RAPGEF4: variants seen among roughly 807,000 people sequenced by gnomAD.
RAPGEF4 encodes the protein Rap guanine nucleotide exchange factor 4, also known as RAP guanine-nucleotide-exchange factor (GEF) 4.
In RAPGEF4, 66 loss-of-function variants were observed where a neutral mutation model predicts 147.9. That is an observed-to-expected ratio of 0.45 (90% confidence interval 0.37 to 0.55). The LOEUF is 0.55. Ranked by LOEUF, RAPGEF4 falls within the 20% of genes least tolerant of loss-of-function variation. The pLI is 0.00. For missense variants in RAPGEF4, 1,071 were observed against 1,257.3 expected, an observed-to-expected ratio of 0.85 and a Z score of 2.24; for synonymous variants, 419 against 442.7, an observed-to-expected ratio of 0.95 and a Z score of 0.67.
chr2:173,000,709 C>T (rs958190746), intron 16 of RAPGEF4, among the ~76,000 whole-genome samples: 8 of 151,500 alleles, frequency 5.3e-5, no homozygotes, highest in African/African-American at 1.7e-4. Context: ...AGTTGCTGCT[C>T]ACAGCCTTAA....
chr2:172,771,156 A>G (rs1275958160), intron 1 of RAPGEF4, among the ~76,000 whole-genome samples: 2 of 152,120 alleles, frequency 1.3e-5, no homozygotes, highest in African/African-American at 4.8e-5. Flanking sequence ...TTTATTGCCC[A>G]CAGTTCTGGA....
intron 1 of RAPGEF4, among the ~76,000 whole-genome samples, chr2:172,750,546 A>G (rs916199073): frequency 6.6e-6 from 1 of 152,176 alleles, no homozygotes; most frequent in Admixed American, 6.5e-5. Flanking sequence ...TATGGGAGCT[A>G]CAATTCAAGA....
intron 17 of RAPGEF4, among the ~76,000 whole-genome samples, chr2:173,010,177 T>C (rs750527129): frequency 6.6e-6 from 1 of 152,392 alleles, no homozygotes. Flanking sequence ...TGTGATTCCA[T>C]GACTTACCTG....
intron 10 of RAPGEF4, among the ~76,000 whole-genome samples, chr2:172,969,084 C>G (rs1690182516): frequency 6.6e-6 from 1 of 152,356 alleles, no homozygotes; most frequent in African/African-American, 2.4e-5. Flanking sequence ...GGACCAAGGG[C>G]TGCCAAACAC....
intron 6 of RAPGEF4, among the ~76,000 whole-genome samples, chr2:172,923,061 C>T (rs371646665): frequency 1.3e-5 from 2 of 152,202 alleles, no homozygotes; most frequent in South Asian, 4.1e-4. Flanking sequence ...ACAGGATTGT[C>T]ACCTTTGCCT....
chr2:172,983,675 A>G, intron 11 of RAPGEF4, 95 bp downstream of exon 11: 1 of 1,507,552 alleles, frequency 6.6e-7, no homozygotes, highest in Admixed American at 2.3e-5. Flanking sequence ...GGGGGAAAGA[A>G]TGTCTGATTT....
chr2:172,869,834 A>T (rs189740240), intron 4 of RAPGEF4, among the ~76,000 whole-genome samples: 1 of 152,306 alleles, frequency 6.6e-6, no homozygotes, highest in African/African-American at 2.4e-5. Context: ...ATCTGAGCTC[A>T]GACAATGTAA....
intron 4 of RAPGEF4, chr2:172,917,536 A>G: frequency 1.5e-6 from 1 of 658,248 alleles, no homozygotes; most frequent in Non-Finnish European, 2.8e-6. Context: ...TATCCCACAC[A>G]ATTCAGGCAG....
At chr2:172,839,267 G>T (rs1027186194) in intron 4 of RAPGEF4, among the ~76,000 whole-genome samples, 2 of 151,992 alleles carry the variant, frequency 1.3e-5, no homozygotes, top group Non-Finnish European at 2.9e-5. Context: ...TTCAGGGCGA[G>T]TCTGCAGTGC....
chr2:173,015,995 A>G (rs767575187), intron 18 of RAPGEF4, among the ~76,000 whole-genome samples: 1 of 152,222 alleles, frequency 6.6e-6, no homozygotes, highest in Non-Finnish European at 1.5e-5. Flanking sequence ...AATATCATAT[A>G]AACAGTTCAC....
chr2:172,983,513 T>G lies in RAPGEF4; in HGVS notation c.1022T>G (p.Val341Gly). Residue 341 changes from valine to glycine, a missense_variant, in exon 11 of 31, where the codon GTG becomes GGG. Physicochemically the swap from Val to Gly is moderately radical, Grantham distance 109. Transcript: ENST00000397081. ...CTTTGTAGACCTGGCCAGAGGACTGTGGATGACCTAGAGATTATCTATGAG... is the reference window on the plus strand; with the variant it reads ...CTTTGTAGACCTGGCCAGAGGACTGGGGATGACCTAGAGATTATCTATGAG... ...ILRKPPGQRTVDDLEIIYEEL... is the reference protein window; with the variant it reads ...ILRKPPGQRTGDDLEIIYEEL... 6.2e-7 allele frequency: 1 copy of G among 1,612,566 alleles called. No homozygotes were observed. The highest frequency in any genetic ancestry group is 8.5e-7 in the Non-Finnish European group (1 of 1,179,864).
intron 10 of RAPGEF4, 152 bp from the exon 11 acceptor site, chr2:172,983,344 G>T (rs1691882008): frequency 2.2e-6 from 3 of 1,382,552 alleles, no homozygotes; most frequent in Non-Finnish European, 2.8e-6. Context: ...AATCCCTTTA[G>T]GCATTATACT....
chr2:172,798,065 T>A (rs987998290), intron 3 of RAPGEF4, among the ~76,000 whole-genome samples: 2 of 152,200 alleles, frequency 1.3e-5, no homozygotes, highest in Non-Finnish European at 2.9e-5. Context: ...GCAGGGGATG[T>A]GTGGCTGTTG....
At chr2:173,017,253 A>G (rs1156239302) in intron 20 of RAPGEF4, 49 bp downstream of exon 20, 1 of 1,573,408 alleles carries the variant, frequency 6.4e-7, no homozygotes, top group Non-Finnish European at 8.7e-7. Flanking sequence ...TAGAATTACA[A>G]TTCCCCAGAA....
intron 5 of RAPGEF4, among the ~76,000 whole-genome samples, chr2:172,920,905 T>G (rs1254151725): frequency 6.6e-6 from 1 of 152,104 alleles, no homozygotes; most frequent in Non-Finnish European, 1.5e-5. Context: ...TGGGAAGTGA[T>G]AGCGAGCCTG....
chr2:172,883,537 A>G (rs1045803458), intron 4 of RAPGEF4, among the ~76,000 whole-genome samples: 9 of 152,232 alleles, frequency 5.9e-5, no homozygotes. Flanking sequence ...AAACATTCAT[A>G]TTGGAGTTTG....
rs373286061 is a variant in RAPGEF4, at chr2:173,052,884, C to G, written c.*1117C>G. On this transcript the variant is annotated 3_prime_UTR_variant, in exon 31 of 31. Transcript: ENST00000397081. Reference sequence around the variant, plus strand: ...TAGTATCTTCACTAAATATAATTGTCGACAAGAAATGGTTGTGTTCATCTC... The same window carrying G: ...TAGTATCTTCACTAAATATAATTGTGGACAAGAAATGGTTGTGTTCATCTC... The G allele has an allele frequency of 6.6e-6, 1 of 151,666 alleles. No individual in the cohort carries two copies. Among genetic ancestry groups the G allele is most frequent in the Non-Finnish European group, 1.5e-5 (1 of 67,968 alleles). 9.4% of individuals were successfully genotyped at this position (151,666 alleles called of 1,614,324 possible). A position where few individuals can be genotyped will look rare whatever the true frequency, so the allele number is the denominator to read the frequency against.
rs878961801 is a variant in RAPGEF4 at position 172,917,742 on chromosome 2, T to C, written c.445-60T>C. 61 of 1,439,572 alleles carry C rather than the reference T, an allele frequency of 4.2e-5. 1 individual carries two copies. The South Asian group carries it at 6.1e-4, about 14-fold the overall frequency. 89.2% of individuals were successfully genotyped at this position (1,439,572 alleles called of 1,614,324 possible). On this transcript the variant is annotated intron_variant, in intron 4 of 30. Transcript: ENST00000397081. ...GCATTTCTGCTTTTTAACATGTAAA[T>C]AAATGAATGCTCAAAGCAAGTAAAT...
chr2:172,968,348 G>T (rs1690086571), intron 10 of RAPGEF4, among the ~76,000 whole-genome samples: 1 of 152,158 alleles, frequency 6.6e-6, no homozygotes, highest in South Asian at 2.1e-4. Flanking sequence ...TTAGACAAGG[G>T]CATTACATGT....
Sources: gnomAD v4.1 joint callset for allele counts (sites outside exome capture counted in the v4.1 genomes callset) on GRCh38, gnomAD v4.1.1 for gene constraint, MANE v1.5 for transcripts, NCBI Gene and HGNC (gene_info 2026-07-23, HGNC 2026-07-21) for gene names.